Variants in DPP6 observed in about 807,000 individuals in gnomAD.
DPP6 encodes the protein dipeptidyl peptidase like 6, also known as A-type potassium channel modulatory protein DPP6.
In DPP6, 69 loss-of-function variants were observed where a neutral mutation model predicts 122.6. That is an observed-to-expected ratio of 0.56 (90% CI 0.46 to 0.69). The LOEUF is 0.69. Ranked by LOEUF, DPP6 falls within the 30% of genes least tolerant of loss-of-function variation. The pLI is 0.00. For missense variants in DPP6, 928 were observed against 1,116.9 expected, an observed-to-expected ratio of 0.83 and a Z score of 2.41; for synonymous variants, 418 against 433.1, an observed-to-expected ratio of 0.97 and a Z score of 0.43.
intron 3 of DPP6, among the ~76,000 whole-genome samples, chr7:154,511,005 G>C (rs1409551817): frequency 2.0e-5 from 3 of 151,264 alleles, no homozygotes; most frequent in East Asian, 3.9e-4. Flanking sequence ...GATAGACCCT[G>C]GCGTGGAGGA....
chr7:154,495,115 G>T (rs2151394250), intron 3 of DPP6, among the ~76,000 whole-genome samples: 1 of 152,310 alleles, frequency 6.6e-6, no homozygotes. Flanking sequence ...AGGTAAAAAG[G>T]TTTAGGAAAA....
At chr7:154,574,626 GGTGTGTGT>G (rs1206669719) in intron 5 of DPP6, among the ~76,000 whole-genome samples, 1 of 128,250 alleles carries the variant, frequency 7.8e-6, no homozygotes, top group Non-Finnish European at 1.7e-5. Context: ...GTATGTGTGT[GGTGTGTGT>G]GTGTGGTGTG....
intron 19 of DPP6, among the ~76,000 whole-genome samples, chr7:154,874,479 A>G (rs1402553341): frequency 6.6e-6 from 1 of 152,210 alleles, no homozygotes; most frequent in East Asian, 1.9e-4. Context: ...GTGACATCAA[A>G]TGTGATAGCA....
intron 1 of DPP6, among the ~76,000 whole-genome samples, chr7:154,206,607 A>C (rs1799462816): frequency 6.6e-6 from 1 of 152,144 alleles, no homozygotes; most frequent in Admixed American, 6.5e-5. Context: ...CAATCCATCC[A>C]GATAATTGTA....
At chr7:154,009,564 G>C (rs1258836623) in intron 1 of DPP6, among the ~76,000 whole-genome samples, 1 of 151,970 alleles carries the variant, frequency 6.6e-6, no homozygotes, top group Non-Finnish European at 1.5e-5. Flanking sequence ...CAGGGGTCCT[G>C]GCCACACCAT....
At chr7:154,443,809 A>G (rs1819619927) in intron 1 of DPP6, among the ~76,000 whole-genome samples, 1 of 152,204 alleles carries the variant, frequency 6.6e-6, no homozygotes, top group African/African-American at 2.4e-5. Context: ...TTCCATTTTA[A>G]TGGATCTCCA....
chr7:154,137,685 C>G (rs113825440), intron 1 of DPP6, among the ~76,000 whole-genome samples: 18,408 of 132,604 alleles, frequency 0.14, 1,872 homozygotes, highest in East Asian at 0.32. Context: ...GCTAATTATC[C>G]AAATTGGAAA....
chr7:153,756,454 TTCA>T, the DPP6 span, among the ~76,000 whole-genome samples: 1 of 152,046 alleles, frequency 6.6e-6, no homozygotes, highest in Non-Finnish European at 1.5e-5. Flanking sequence ...TGTTTTGTGG[TTCA>T]TCTTCTCCAT....
intron 2 of DPP6, among the ~76,000 whole-genome samples, chr7:154,459,742 G>A (rs574689706): frequency 1.4e-5 from 2 of 147,652 alleles, no homozygotes; most frequent in East Asian, 2.0e-4. Context: ...GCTTGAATCC[G>A]GGAGGCTGAG....
chr7:154,036,413 G>T (rs1261618271), intron 1 of DPP6, among the ~76,000 whole-genome samples: 1 of 148,086 alleles, frequency 6.8e-6, no homozygotes, highest in South Asian at 2.2e-4. Flanking sequence ...GAGCCACCTT[G>T]TCTGGCCTCT....
At position 154,604,091 on chromosome 7, in the gene DPP6, A is replaced by G. The variant is rs148303658; in HGVS notation, c.628-33730A>G. On this transcript the variant is annotated intron_variant, in intron 5 of 25. Transcript: ENST00000377770. ...TCCGTGTGTTTTTCTTCTAAAAGTC[A>G]TACATTTTGTTTGGGTCCATAATCT... Among the ~76,000 whole-genome samples, 3,022 of 121,040 alleles carry G rather than the reference A, an allele frequency of 0.025. 1,171 individuals carry two copies. In the East Asian group the frequency reaches 0.54, roughly 22 times the overall value. The allele number at this position is 121,040 out of a possible 152,430, so 79.4% of individuals were successfully genotyped here.
intron 1 of DPP6, among the ~76,000 whole-genome samples, chr7:154,337,633 A>G (rs1809544678): frequency 6.6e-6 from 1 of 152,180 alleles, no homozygotes; most frequent in Non-Finnish European, 1.5e-5. Flanking sequence ...CCAGGCAGGC[A>G]GCCTAAACTC....
At chr7:153,928,411 T>TTTTTTTTTTTG (rs1801019793) in intron 1 of DPP6, among the ~76,000 whole-genome samples, 1 of 123,180 alleles carries the variant, frequency 8.1e-6, no homozygotes, top group Non-Finnish European at 1.7e-5. Flanking sequence ...TTTTTTTTTT[T>TTTTTTTTTTTG]TTTTTTTTTT....
intron 3 of DPP6, 77 bp downstream of exon 3, chr7:154,475,114 AT>A (rs1430703564): frequency 8.8e-7 from 1 of 1,131,380 alleles, no homozygotes; most frequent in African/African-American, 1.5e-5. Context: ...GGGTCTAGTA[AT>A]TTGCCTCTCG....
chr7:153,820,018 C>T, the DPP6 span, among the ~76,000 whole-genome samples: 1 of 152,134 alleles, frequency 6.6e-6, no homozygotes, highest in South Asian at 2.1e-4. Flanking sequence ...ATTACATCTT[C>T]TTTGTGGCTA....
At chr7:154,575,447 T>TGTGTGTGTGTG (rs2130621217) in intron 5 of DPP6, among the ~76,000 whole-genome samples, 1 of 127,972 alleles carries the variant, frequency 7.8e-6, no homozygotes, top group South Asian at 2.9e-4. Context: ...GTGTGGTGTG[T>TGTGTGTGTGTG]GTATGTGTGT....
At chr7:154,650,083 G>A (rs929640135) in intron 6 of DPP6, among the ~76,000 whole-genome samples, 3 of 152,204 alleles carry the variant, frequency 2.0e-5, no homozygotes, top group Non-Finnish European at 2.9e-5. Flanking sequence ...ATTTGGGGAG[G>A]TCAACGTGGG....
chr7:153,936,810 CA>C (rs11352622), intron 1 of DPP6, among the ~76,000 whole-genome samples: 97,122 of 148,108 alleles, frequency 0.66, 32,394 homozygotes, highest in African/African-American at 0.82. Context: ...GACTCCGTCT[CA>C]AAAAAAAAAA....
chr7:154,410,009 T>C (rs1271303574), intron 1 of DPP6, among the ~76,000 whole-genome samples: 2 of 152,254 alleles, frequency 1.3e-5, no homozygotes, highest in Non-Finnish European at 2.9e-5. Context: ...AGTCATTCTC[T>C]GTTCTTTTCA....
Sources: gnomAD v4.1 joint callset for allele counts (sites outside exome capture counted in the v4.1 genomes callset) on GRCh38, gnomAD v4.1.1 for gene constraint, MANE v1.5 for transcripts, NCBI Gene and HGNC (gene_info 2026-07-23, HGNC 2026-07-21) for gene names.